The following ADCY2 variants were observed in gnomAD, a reference collection of about 807,000 sequenced individuals.
ADCY2 encodes the protein adenylate cyclase type 2.
ADCY2 carries 31 observed loss-of-function variants against 125.2 expected under a neutral mutation model. That is an observed-to-expected ratio of 0.25 (90% CI 0.19 to 0.33). The LOEUF (loss-of-function observed/expected upper bound fraction) is 0.33, where lower values mean the gene tolerates loss of function less well. Ranked by LOEUF, ADCY2 falls within the 10% of genes least tolerant of loss-of-function variation. The pLI, the probability that ADCY2 is intolerant of heterozygous loss-of-function variation, is 1.00. For synonymous variants in ADCY2, 512 were observed against 548.4 expected (o/e 0.93, Z 0.93); for missense variants, 904 against 1,418.2 (o/e 0.64, Z 5.82).
intron 3 of ADCY2, among the ~76,000 whole-genome samples, chr5:7,582,437 C>T (rs1283939255): frequency 1.3e-5 from 2 of 151,898 alleles, no homozygotes; most frequent in Admixed American, 6.6e-5. Flanking sequence ...CCAGAATAAC[C>T]GAGATACTAA....
At chr5:7,699,881 C>G (rs1397240549) in intron 7 of ADCY2, among the ~76,000 whole-genome samples, 2 of 152,208 alleles carry the variant, frequency 1.3e-5, no homozygotes, top group African/African-American at 4.8e-5. Flanking sequence ...CACTGCCTGA[C>G]CCAGCCTAGT....
intron 3 of ADCY2, among the ~76,000 whole-genome samples, chr5:7,591,822 G>T (rs1736857323): frequency 6.6e-6 from 1 of 152,142 alleles, no homozygotes; most frequent in African/African-American, 2.4e-5. Flanking sequence ...AGTAAAAATG[G>T]TGTTTCATTT....
intron 17 of ADCY2, among the ~76,000 whole-genome samples, chr5:7,767,246 A>C (rs1220421445): frequency 6.6e-6 from 1 of 152,126 alleles, no homozygotes; most frequent in East Asian, 1.9e-4. Flanking sequence ...TACGTTGCTG[A>C]GTGATTCTGT....
At chr5:7,804,040 A>AAGAGAGAGAGAGAG (rs57193249) in intron 21 of ADCY2, among the ~76,000 whole-genome samples, 2,234 of 106,516 alleles carry the variant, frequency 0.021, 186 homozygotes, top group African/African-American at 0.054. Context: ...GGAGGGGGGA[A>AAGAGAGAGAGAGAG]AGAGAGAGAG....
intron 18 of ADCY2, among the ~76,000 whole-genome samples, chr5:7,775,175 T>TTTGTG (rs369059755): frequency 6.8e-6 from 1 of 146,154 alleles, no homozygotes; most frequent in Non-Finnish European, 1.5e-5. Flanking sequence ...CCCAGCTACT[T>TTTGTG]TGTGTGTGTG....
intron 2 of ADCY2, among the ~76,000 whole-genome samples, chr5:7,480,119 G>T (rs533568321): frequency 3.7e-4 from 57 of 152,278 alleles, no homozygotes; most frequent in African/African-American, 1.3e-3. Context: ...AATAACAGAT[G>T]CTGGCAAGTT....
chr5:7,687,930 T>C (rs186863540), intron 4 of ADCY2, among the ~76,000 whole-genome samples: 3 of 152,326 alleles, frequency 2.0e-5, no homozygotes, highest in African/African-American at 7.2e-5. Context: ...TGTGGCTTGG[T>C]GCATTTCATC....
At chr5:7,449,878 G>A (rs1741408913) in intron 2 of ADCY2, among the ~76,000 whole-genome samples, 1 of 152,114 alleles carries the variant, frequency 6.6e-6, no homozygotes, top group African/African-American at 2.4e-5. Flanking sequence ...TATGGTATCT[G>A]CTATAGTGAC....
At chr5:7,681,815 A>T (rs1390466944) in intron 4 of ADCY2, among the ~76,000 whole-genome samples, 1 of 152,208 alleles carries the variant, frequency 6.6e-6, no homozygotes, top group Non-Finnish European at 1.5e-5. Flanking sequence ...TCCCCACTGA[A>T]ATAAAAGAAA....
Position 7,399,950 on chromosome 5 carries a change from T to C in ADCY2, c.210+3444T>C, listed in dbSNP as rs1282475547. Among the ~76,000 whole-genome samples the C allele has an allele frequency of 2.0e-5, 3 of 152,214 alleles. No homozygotes were observed. In the South Asian group the frequency reaches 6.2e-4, roughly 32 times the overall value. On this transcript the variant is annotated intron_variant, in intron 1 of 24. Coordinates refer to ENST00000338316, the MANE Select transcript of ADCY2 (RefSeq NM_020546.3). ...TTTTTCTTTTTCTTTTTCTCATTTT[T>C]TTCTCTTTCTACTTTGTTTTTTGGA...
intron 14 of ADCY2, among the ~76,000 whole-genome samples, chr5:7,730,686 G>C (rs996286594): frequency 6.6e-6 from 1 of 151,832 alleles, no homozygotes. Context: ...TTTTATTTTC[G>C]CTCAGAATTA....
At chr5:7,421,363 C>T (rs953649021) in intron 2 of ADCY2, among the ~76,000 whole-genome samples, 3 of 152,206 alleles carry the variant, frequency 2.0e-5, no homozygotes, top group African/African-American at 4.8e-5. Context: ...GGAGAATCCT[C>T]CCCTGCCTCT....
intron 4 of ADCY2, among the ~76,000 whole-genome samples, chr5:7,651,786 C>G (rs974630380): frequency 2.6e-5 from 4 of 152,038 alleles, no homozygotes; most frequent in African/African-American, 9.7e-5. Context: ...CCAACCTTCA[C>G]GTCTTTTTAT....
At chr5:7,601,621 C>T (rs1737206978) in intron 3 of ADCY2, among the ~76,000 whole-genome samples, 1 of 152,202 alleles carries the variant, frequency 6.6e-6, no homozygotes, top group Non-Finnish European at 1.5e-5. Flanking sequence ...GAAAATCACT[C>T]ATTTAATGAA....
chr5:7,515,389 G>A (rs1049404361), intron 2 of ADCY2, among the ~76,000 whole-genome samples: 3 of 152,208 alleles, frequency 2.0e-5, no homozygotes, highest in Admixed American at 2.0e-4. Flanking sequence ...AGGAGCAGAT[G>A]TGCTGAGTCA....
intron 3 of ADCY2, among the ~76,000 whole-genome samples, chr5:7,524,589 C>A (rs912402592): frequency 6.6e-6 from 1 of 152,172 alleles, no homozygotes; most frequent in Admixed American, 6.5e-5. Context: ...TTTAGTGGTT[C>A]TTTGGCCCTA....
chr5:7,649,907 A>G (rs1462517585), intron 4 of ADCY2, among the ~76,000 whole-genome samples: 1 of 152,100 alleles, frequency 6.6e-6, no homozygotes. Flanking sequence ...AGGAGGAGCC[A>G]TACTGGACTT....
chr5:7,563,005 C>T (rs1289467458), intron 3 of ADCY2, among the ~76,000 whole-genome samples: 1 of 151,894 alleles, frequency 6.6e-6, no homozygotes, highest in African/African-American at 2.4e-5. Context: ...TTTTGCTATC[C>T]TGCTCATTGT....
chr5:7,595,288 G>A (rs1736972537), intron 3 of ADCY2, among the ~76,000 whole-genome samples: 1 of 152,038 alleles, frequency 6.6e-6, no homozygotes, highest in African/African-American at 2.4e-5. Context: ...ATTCCTTATT[G>A]GCCATTGCTA....
Sources: allele counts gnomAD v4.1 joint callset (sites outside exome capture counted in the v4.1 genomes callset), GRCh38; gene constraint gnomAD v4.1.1; transcripts MANE v1.5; gene names NCBI Gene and HGNC (gene_info 2026-07-23, HGNC 2026-07-21).